ADK: variants seen among roughly 807,000 people sequenced by gnomAD.
ADK encodes the protein N6,N6-dimethyladenosine kinase.
ADK carries 24 observed loss-of-function variants against 44.7 expected under a neutral mutation model. The ratio of observed to expected loss-of-function variants is 0.54; its 90% CI spans 0.39 to 0.76. The LOEUF (loss-of-function observed/expected upper bound fraction) is 0.76. Among genes scored for constraint, ADK ranks in the 30% least tolerant of loss-of-function variants. The probability of loss-of-function intolerance (pLI) is 0.00; values close to 1 mark genes in which losing one functional copy is unlikely to be tolerated. For missense variants in ADK, 321 were observed against 425.1 expected, an observed-to-expected ratio of 0.76 and a Z score of 2.15; for synonymous variants, 128 against 142.6, an observed-to-expected ratio of 0.90 and a Z score of 0.73.
At chr10:74,443,785 G>A (rs1290897402) in intron 6 of ADK, among the ~76,000 whole-genome samples, 1 of 152,012 alleles carries the variant, frequency 6.6e-6, no homozygotes, top group Admixed American at 6.6e-5. Context: ...TAACAACAAA[G>A]CATCCAAGGA....
intron 4 of ADK, among the ~76,000 whole-genome samples, chr10:74,383,520 G>C (rs1456627492): frequency 6.6e-6 from 1 of 152,062 alleles, no homozygotes. Flanking sequence ...AGTTGTGAGG[G>C]AGGAAAAATA....
chr10:74,695,275 A>G (rs1024836204), intron 10 of ADK, among the ~76,000 whole-genome samples: 2 of 152,190 alleles, frequency 1.3e-5, no homozygotes, highest in African/African-American at 4.8e-5. Context: ...TCCCAAAAAC[A>G]TTGTTGAGAC....
chr10:74,283,980 C>T lies in ADK; in HGVS notation c.195-30687C>T, dbSNP rs568933072. ...CAGGCATGAGCCACTGCGCCCAGCT[C>T]GCTCTTGTTTTCTTGTTGCCCAGGC... On this transcript the variant is annotated intron_variant, in intron 3 of 10. Transcript: ENST00000539909. 6.3e-5 allele frequency among the ~76,000 whole-genome samples: 9 copies of T among 143,244 alleles called. No individual in the cohort carries two copies. The East Asian group carries it at 1.1e-3, about 17-fold the overall frequency. The allele number at this position is 143,244 out of a possible 152,430, so 94.0% of individuals were successfully genotyped here. A position where few individuals can be genotyped will look rare whatever the true frequency, so the allele number is the denominator to read the frequency against.
intron 6 of ADK, among the ~76,000 whole-genome samples, chr10:74,460,302 A>G (rs1323165145): frequency 6.6e-6 from 1 of 152,196 alleles, no homozygotes; most frequent in African/African-American, 2.4e-5. Context: ...TATCCTAATG[A>G]CACAGACAAA....
chr10:74,388,537 A>G (rs1207438260), intron 4 of ADK, among the ~76,000 whole-genome samples: 1 of 151,844 alleles, frequency 6.6e-6, no homozygotes, highest in Admixed American at 6.6e-5. Context: ...TTTTTTCCTC[A>G]GCAGTCTTTT....
At chr10:74,553,541 A>G (rs1490092727) in intron 7 of ADK, among the ~76,000 whole-genome samples, 1 of 152,174 alleles carries the variant, frequency 6.6e-6, no homozygotes, top group African/African-American at 2.4e-5. Flanking sequence ...ATAAAAATAA[A>G]TGAACTACTA....
At chr10:74,475,730 G>A (rs1846809021) in intron 6 of ADK, among the ~76,000 whole-genome samples, 1 of 150,528 alleles carries the variant, frequency 6.6e-6, no homozygotes, top group African/African-American at 2.4e-5. Context: ...GAGAGAAAGA[G>A]AGAGCGAAGA....
intron 9 of ADK, among the ~76,000 whole-genome samples, chr10:74,635,131 T>C (rs1249110893): frequency 6.6e-6 from 1 of 152,166 alleles, no homozygotes; most frequent in Non-Finnish European, 1.5e-5. Context: ...ACTTACAGAT[T>C]TGGGAAGCCC....
intron 6 of ADK, among the ~76,000 whole-genome samples, chr10:74,486,320 G>A (rs76211908): frequency 1.3e-5 from 2 of 152,228 alleles, no homozygotes; most frequent in Non-Finnish European, 2.9e-5. Context: ...GTGGAACTGT[G>A]AATCAATTAA....
chr10:74,325,303 A>T (rs1840968059), intron 4 of ADK, among the ~76,000 whole-genome samples: 1 of 152,032 alleles, frequency 6.6e-6, no homozygotes, highest in Non-Finnish European at 1.5e-5. Context: ...TTTGTGGTTG[A>T]TATATAGAAA....
At chr10:74,361,213 T>A (rs1842326417) in intron 4 of ADK, among the ~76,000 whole-genome samples, 1 of 152,242 alleles carries the variant, frequency 6.6e-6, no homozygotes, top group Non-Finnish European at 1.5e-5. Context: ...CTATCCTGTG[T>A]CTTAATTGGA....
chr10:74,662,052 A>C (rs372805851), intron 9 of ADK, among the ~76,000 whole-genome samples: 1 of 152,194 alleles, frequency 6.6e-6, no homozygotes, highest in African/African-American at 2.4e-5. Flanking sequence ...ATACCTGATA[A>C]TATTATATAG....
chr10:74,643,432 A>T (rs1853945840), intron 9 of ADK, among the ~76,000 whole-genome samples: 1 of 152,118 alleles, frequency 6.6e-6, no homozygotes, highest in Non-Finnish European at 1.5e-5. Context: ...CTTCCAGTTC[A>T]CTAATTCTTT....
At chr10:74,585,576 CAG>C (rs1420696981) in intron 7 of ADK, among the ~76,000 whole-genome samples, 2 of 152,168 alleles carry the variant, frequency 1.3e-5, no homozygotes, top group Admixed American at 1.3e-4. Flanking sequence ...GCTGTACTCT[CAG>C]GGGAGCAGGA....
intron 3 of ADK, among the ~76,000 whole-genome samples, chr10:74,274,852 A>C (rs1490406482): frequency 6.6e-6 from 1 of 150,694 alleles, no homozygotes; most frequent in Non-Finnish European, 1.5e-5. Flanking sequence ...CCTGCCTCCT[A>C]AAGTGCTGGG....
intron 9 of ADK, among the ~76,000 whole-genome samples, chr10:74,660,313 G>A (rs1854661076): frequency 6.6e-6 from 1 of 151,876 alleles, no homozygotes; most frequent in South Asian, 2.1e-4. Context: ...GTATTTTTTT[G>A]TAGAGATGGA....
intron 4 of ADK, among the ~76,000 whole-genome samples, chr10:74,348,040 T>C (rs1841836804): frequency 6.6e-6 from 1 of 152,136 alleles, no homozygotes; most frequent in African/African-American, 2.4e-5. Context: ...GAACAGCTGA[T>C]ACTGACAAGG....
chr10:74,462,781 C>T (rs1449862334), intron 6 of ADK, among the ~76,000 whole-genome samples: 1 of 152,084 alleles, frequency 6.6e-6, no homozygotes, highest in Non-Finnish European at 1.5e-5. Context: ...AAACAGTTAC[C>T]CTCTGGAATG....
chr10:74,187,111 T>C (rs941486584), intron 1 of ADK, among the ~76,000 whole-genome samples: 1 of 152,196 alleles, frequency 6.6e-6, no homozygotes, highest in East Asian at 1.9e-4. Context: ...ATGTTTGGCA[T>C]TTTAAAATTT....
Sources: gnomAD v4.1 joint callset for allele counts (sites outside exome capture counted in the v4.1 genomes callset) on GRCh38, gnomAD v4.1.1 for gene constraint, MANE v1.5 for transcripts, NCBI Gene and HGNC (gene_info 2026-07-23, HGNC 2026-07-21) for gene names.